Variants in PRKCE observed in about 807,000 individuals in gnomAD.
PRKCE encodes the protein protein kinase C epsilon type.
PRKCE carries 16 observed loss-of-function variants against 85.4 expected under a neutral mutation model. The ratio of observed to expected loss-of-function variants is 0.19; its 90% confidence interval spans 0.13 to 0.28. The LOEUF is 0.28. PRKCE is among the 10% of genes least tolerant of loss of function. PRKCE has a pLI of 1.00. For synonymous variants in PRKCE, 388 were observed against 371.5 expected, an observed-to-expected ratio of 1.04 and a Z score of -0.51; for missense variants, 573 against 975.2, an observed-to-expected ratio of 0.59 and a Z score of 5.49.
chr2:45,653,483 C>T (rs1035318452), intron 1 of PRKCE, among the ~76,000 whole-genome samples: 1 of 140,452 alleles, frequency 7.1e-6, no homozygotes, highest in East Asian at 2.3e-4. Context: ...TACAAGCGTT[C>T]CTCTGGAGGT....
rs147161161 is a variant in PRKCE, at chr2:46,165,682, C to T, written c.2067+5930C>T. On this transcript the variant is annotated intron_variant, in intron 14 of 14. Transcript: ENST00000306156. ...CGATGTGTTTGGTGTGGTTGAAGGG[C>T]ATCATCTGACCTTGCAGATCTTGGG... 2.1e-3 allele frequency among the ~76,000 whole-genome samples: 322 copies of T among 152,318 alleles called. 2 individuals carry two copies. Among genetic ancestry groups the T allele is most frequent in the Admixed American group, 0.012 (179 of 15,308 alleles).
chr2:45,857,265 A>G (rs1692753214), intron 2 of PRKCE, among the ~76,000 whole-genome samples: 1 of 152,252 alleles, frequency 6.6e-6, no homozygotes, highest in African/African-American at 2.4e-5. Context: ...TCAGTTGAAC[A>G]TTATTATGGA....
At chr2:45,984,910 T>C (rs1456745297) in intron 6 of PRKCE, among the ~76,000 whole-genome samples, 1 of 152,174 alleles carries the variant, frequency 6.6e-6, no homozygotes, top group Non-Finnish European at 1.5e-5. Flanking sequence ...GAGGGCGGAC[T>C]CCACGCCTTA....
chr2:45,879,792 T>C (rs1000155809), intron 2 of PRKCE, among the ~76,000 whole-genome samples: 1 of 152,256 alleles, frequency 6.6e-6, no homozygotes, highest in Non-Finnish European at 1.5e-5. Flanking sequence ...CATAGGGTAC[T>C]GGTGATGTTT....
intron 2 of PRKCE, among the ~76,000 whole-genome samples, chr2:45,868,704 A>G (rs930558860): frequency 4.8e-5 from 7 of 145,494 alleles, no homozygotes; most frequent in Non-Finnish European, 1.5e-5. Context: ...AGGCAGGCCG[A>G]GGTGGGCGGA....
chr2:45,893,353 CT>C (rs61708342), intron 2 of PRKCE, among the ~76,000 whole-genome samples: 50,932 of 136,310 alleles, frequency 0.37, 9,632 homozygotes, highest in East Asian at 0.55. Flanking sequence ...CTTTTCTTTT[CT>C]TTTTTTTTTT....
At position 46,001,592 on chromosome 2, in the gene PRKCE, C is replaced by T; in HGVS notation, c.966+46C>T. On this transcript the variant is annotated intron_variant, in intron 7 of 14. Transcript: ENST00000306156. The surrounding 1 kb of genome is among the most constrained non-coding windows in gnomAD (Gnocchi z 4.4). ...GTTGCTGGAGCCCTTTTCAGGCTAG[C>T]ATTTCTGTGCTGACTTCCAGAGGGT... 6.4e-7 allele frequency: 1 copy of T among 1,573,964 alleles called. No individual in the cohort carries two copies. Among genetic ancestry groups the T allele is most frequent in the Non-Finnish European group, 8.6e-7 (1 of 1,164,772 alleles).
At chr2:45,828,458 T>C (rs1690137027) in intron 1 of PRKCE, among the ~76,000 whole-genome samples, 1 of 152,240 alleles carries the variant, frequency 6.6e-6, no homozygotes, top group African/African-American at 2.4e-5. Context: ...ATGTTCAAAC[T>C]GTATCCAACT....
In PRKCE at chr2:46,186,268, G is replaced by A. The variant is rs1275634324; in HGVS notation, c.*1387G>A. 6.6e-6 allele frequency: 1 copy of A among 152,596 alleles called. No homozygotes were observed. Among genetic ancestry groups the A allele is most frequent in the Non-Finnish European group, 1.5e-5 (1 of 68,032 alleles). 9.5% of individuals were successfully genotyped at this position (152,596 alleles called of 1,614,324 possible). ...TAATTTACTGAACTGATTTAGCAGGGAATGGAATCCATTCCAACTATTGCA... is the reference window on the plus strand; with the variant it reads ...TAATTTACTGAACTGATTTAGCAGGAAATGGAATCCATTCCAACTATTGCA... On this transcript the variant is annotated 3_prime_UTR_variant, in exon 15 of 15. Coordinates refer to ENST00000306156, the MANE Select transcript of PRKCE (RefSeq NM_005400.3).
intron 11 of PRKCE, among the ~76,000 whole-genome samples, chr2:46,117,983 G>A (rs1672942858): frequency 6.6e-6 from 1 of 151,522 alleles, no homozygotes; most frequent in Admixed American, 6.6e-5. Flanking sequence ...CTTCAAAATG[G>A]CATTTGTTCA....
rs901983567 is a variant in PRKCE at position 46,119,306 on chromosome 2, G to GT, written c.1593-25778dup. ...AAAAAAAAGGGGGGGTTATTAGGGT[G>GT]TTTTTTTTTCCCTTTCCTAAACTTT... On this transcript the variant is annotated intron_variant, in intron 11 of 14. Transcript: ENST00000306156. 2.0e-3 allele frequency among the ~76,000 whole-genome samples: 297 copies of GT among 150,258 alleles called. 3 individuals carry two copies. Among genetic ancestry groups the GT allele is most frequent in the Admixed American group, 3.1e-3 (47 of 15,100 alleles).
intron 2 of PRKCE, among the ~76,000 whole-genome samples, chr2:45,901,098 A>G (rs1461821064): frequency 6.6e-6 from 1 of 152,254 alleles, no homozygotes; most frequent in Non-Finnish European, 1.5e-5. Flanking sequence ...CCTGATGAGC[A>G]GAAATGATTT....
intron 10 of PRKCE, among the ~76,000 whole-genome samples, chr2:46,063,027 G>A (rs1161903704): frequency 6.6e-6 from 1 of 152,216 alleles, no homozygotes; most frequent in African/African-American, 2.4e-5. Context: ...ACGAAAGAAA[G>A]CAGAGTGGGC....
chr2:45,984,571 C>T lies in PRKCE; in HGVS notation c.714C>T (p.Ser238=), dbSNP rs1250155041. ...TPDQVGSQRF[S]VNMPHKFGIH... ...TGCAGGTGGGCTCCCAGCGGTTCAG[C>T]GTCAACATGCCCCACAAGTTCGGTA... Residue 238 remains serine, a synonymous_variant, in exon 6 of 15, where the codon AGC becomes AGT. Coordinates refer to ENST00000306156, the MANE Select transcript of PRKCE (RefSeq NM_005400.3). The T allele has an allele frequency of 8.8e-6, 14 of 1,599,654 alleles. No homozygotes were observed. The highest frequency in any genetic ancestry group is 2.2e-5 in the East Asian group (1 of 44,894).
chr2:46,000,515 C>T (rs1043171774), intron 6 of PRKCE, among the ~76,000 whole-genome samples: 3 of 151,932 alleles, frequency 2.0e-5, no homozygotes, highest in Non-Finnish European at 4.4e-5. Flanking sequence ...GAGAAGCCCT[C>T]GTTAAGAAGA....
chr2:45,926,613 G>A (rs560849339), intron 2 of PRKCE, among the ~76,000 whole-genome samples: 1 of 152,368 alleles, frequency 6.6e-6, no homozygotes, highest in South Asian at 2.1e-4. Context: ...GTCGGAGGCT[G>A]AGAAGGATTT....
intron 10 of PRKCE, among the ~76,000 whole-genome samples, chr2:46,044,099 C>G (rs1708375035): frequency 6.6e-6 from 1 of 152,158 alleles, no homozygotes; most frequent in Admixed American, 6.5e-5. Flanking sequence ...TATGCAAATT[C>G]AATTCAATTC....
intron 9 of PRKCE, among the ~76,000 whole-genome samples, chr2:46,009,830 G>A (rs1705508207): frequency 1.3e-5 from 2 of 152,196 alleles, no homozygotes; most frequent in Non-Finnish European, 2.9e-5. Flanking sequence ...GAGACCATAT[G>A]GAGAATGTCT....
rs555004725 is a variant in PRKCE at position 45,856,938 on chromosome 2, T to C, written c.412+13875T>C. On this transcript the variant is annotated intron_variant, in intron 2 of 14. Transcript: ENST00000306156. Reference sequence around the variant, plus strand: ...ATTGTGCTGATGTACCACATTTTCTTTGTCCATTCATCATCAGATGGGAAT... The same window carrying C: ...ATTGTGCTGATGTACCACATTTTCTCTGTCCATTCATCATCAGATGGGAAT... Among the ~76,000 whole-genome samples the C allele has an allele frequency of 2.6e-5, 4 of 152,364 alleles. No individual in the cohort carries two copies. The South Asian group carries it at 8.3e-4, about 32-fold the overall frequency.
Sources: allele counts gnomAD v4.1 joint callset (sites outside exome capture counted in the v4.1 genomes callset), GRCh38; gene constraint gnomAD v4.1.1; non-coding constraint Gnocchi (gnomAD v3.1); transcripts MANE v1.5; gene names NCBI Gene and HGNC (gene_info 2026-07-23, HGNC 2026-07-21).